Variants in ANK1 observed in about 807,000 individuals in gnomAD.
The protein encoded by ANK1 is ankyrin-1.
Under a neutral mutation model 210.4 loss-of-function variants are expected in ANK1, and 51 were observed. The observed-to-expected ratio is 0.24, with a 90% CI of 0.19 to 0.31. The LOEUF (loss-of-function observed/expected upper bound fraction) is 0.31. ANK1 is among the 10% of genes least tolerant of loss of function. The pLI is 1.00. For missense variants in ANK1, 2,051 were observed against 2,504.4 expected (o/e 0.82, Z 3.86); for synonymous variants, 967 against 1,025.9 (o/e 0.94, Z 1.10).
At position 41,838,706 on chromosome 8, in the gene ANK1, G is replaced by A. The variant is rs184075983; in HGVS notation, c.126+57649C>T. On this transcript the variant is annotated intron_variant, in intron 1 of 42. Coordinates refer to the ANK1 transcript ENST00000265709. ...CTTGAACCCGGGAGGCAGAGGCTGC[G>A]GTGAGCCTGGATCGTACCATTGCAC... is the stretch of plus-strand genomic sequence containing the variant. Among the ~76,000 whole-genome samples the A allele has an allele frequency of 5.3e-5, 8 of 151,578 alleles. No individual in the cohort carries two copies. The South Asian group carries it at 6.3e-4, about 12-fold the overall frequency.
intron 1 of ANK1, among the ~76,000 whole-genome samples, chr8:41,806,003 C>T (rs925661789): frequency 1.3e-5 from 2 of 152,150 alleles, no homozygotes; most frequent in Non-Finnish European, 2.9e-5. Context: ...AGAGTGGAAT[C>T]ACAAAGAATA....
intron 37 of ANK1, among the ~76,000 whole-genome samples, chr8:41,682,063 C>T (rs1816224301): frequency 6.6e-6 from 1 of 152,202 alleles, no homozygotes. Context: ...ACTCTTTGGC[C>T]AGAACCCTCT....
At chr8:41,719,245 C>T (rs367661267) in intron 10 of ANK1, among the ~76,000 whole-genome samples, 3 of 152,150 alleles carry the variant, frequency 2.0e-5, no homozygotes, top group Admixed American at 6.5e-5. Context: ...CCTCTGTGGA[C>T]GAAGGATGCT....
chr8:41,752,237 C>T (rs947160234), intron 2 of ANK1, among the ~76,000 whole-genome samples: 3 of 152,192 alleles, frequency 2.0e-5, no homozygotes, highest in Non-Finnish European at 4.4e-5. Context: ...CCTTCACCAG[C>T]ATGCACAGGC....
At chr8:41,780,247 C>T (rs1270766757) in intron 1 of ANK1, among the ~76,000 whole-genome samples, 1 of 152,068 alleles carries the variant, frequency 6.6e-6, no homozygotes, top group Non-Finnish European at 1.5e-5. Flanking sequence ...CTATGTTGCC[C>T]AGTCTGGGTT....
chr8:41,782,221 T>G (rs1845490688), intron 1 of ANK1, among the ~76,000 whole-genome samples: 1 of 152,036 alleles, frequency 6.6e-6, no homozygotes, highest in African/African-American at 2.4e-5. Flanking sequence ...ACTGAATATT[T>G]CCATAGAGAG....
Position 41,779,581 on chromosome 8 carries a change from G to C in ANK1, c.27+17931C>G, listed in dbSNP as rs546219544. Among the ~76,000 whole-genome samples, 30 of 152,172 alleles carry C rather than the reference G, an allele frequency of 2.0e-4. No individual in the cohort carries two copies. The South Asian group carries it at 5.8e-3, about 29-fold the overall frequency. On this transcript the variant is annotated intron_variant, in intron 1 of 42. Coordinates refer to ENST00000289734, the MANE Select transcript of ANK1 (RefSeq NM_000037.4). ...TAGTTTGATGCCCATGGGACAAGCA[G>C]TTAGAGGCACTGGTGGAGGAACAAA...
chr8:41,737,608 C>T (rs960744680), intron 2 of ANK1, among the ~76,000 whole-genome samples: 1 of 152,204 alleles, frequency 6.6e-6, no homozygotes, highest in Non-Finnish European at 1.5e-5. Flanking sequence ...CCTGGCCCAG[C>T]GATCTCCTTC....
intron 1 of ANK1, among the ~76,000 whole-genome samples, chr8:41,873,021 G>A (rs537786612): frequency 9.2e-5 from 14 of 152,342 alleles, no homozygotes; most frequent in Non-Finnish European, 2.1e-4. Flanking sequence ...CTGTGGGCAC[G>A]CTGCAGAGGG....
chr8:41,690,712 ATGC>A, intron 31 of ANK1, 113 bp from the exon 32 acceptor site: 3 of 1,492,544 alleles, frequency 2.0e-6, no homozygotes, highest in Non-Finnish European at 2.8e-6. Flanking sequence ...AGCAAGAGGC[ATGC>A]GGGTGTGTGC....
chr8:41,825,988 T>G (rs1327558760), intron 1 of ANK1, among the ~76,000 whole-genome samples: 1 of 152,148 alleles, frequency 6.6e-6, no homozygotes, highest in African/African-American at 2.4e-5. Context: ...ATGTCTTTAT[T>G]AGCAGCATGA....
At chr8:41,785,003 C>T (rs1164894150) in intron 1 of ANK1, among the ~76,000 whole-genome samples, 22 of 152,164 alleles carry the variant, frequency 1.4e-4, no homozygotes, top group Admixed American at 1.4e-3. Flanking sequence ...CGACGCTGGG[C>T]TTTGCCAGCC....
chr8:41,780,597 G>C (rs1366730513), intron 1 of ANK1, among the ~76,000 whole-genome samples: 1 of 152,180 alleles, frequency 6.6e-6, no homozygotes, highest in Non-Finnish European at 1.5e-5. Context: ...TGAGGGTCAG[G>C]GTGTTCCTGG....
intron 14 of ANK1, 84 bp from the exon 15 acceptor site, chr8:41,715,158 C>G (rs950810647): frequency 7.7e-7 from 1 of 1,290,532 alleles, no homozygotes; most frequent in East Asian, 2.3e-5. Context: ...GAGGCTGCAC[C>G]TCCGCTGGCA....
At chr8:41,674,892 A>G (rs1813664286) in intron 37 of ANK1, among the ~76,000 whole-genome samples, 1 of 152,178 alleles carries the variant, frequency 6.6e-6, no homozygotes, top group African/African-American at 2.4e-5. Flanking sequence ...GGTGGGTCAC[A>G]TCTTACCATG....
chr8:41,896,529 G>T, exon 1 of ANK1: 2 of 1,547,446 alleles, frequency 1.3e-6, no homozygotes, highest in African/African-American at 1.4e-5. Context: ...CTAGCGCTCA[G>T]CGATCCCCGA....
intron 42 of ANK1, among the ~76,000 whole-genome samples, chr8:41,660,174 C>A (rs1172980173): frequency 2.6e-5 from 4 of 152,152 alleles, no homozygotes; most frequent in Non-Finnish European, 5.9e-5. Context: ...CCTTAAGCTG[C>A]TGAGGTGTCA....
At chr8:41,692,931 C>CGGGAG (rs2150589989) in intron 30 of ANK1, 55 bp from the exon 31 acceptor site, 1 of 1,578,004 alleles carries the variant, frequency 6.3e-7, no homozygotes, top group Admixed American at 1.7e-5. Context: ...AGCATCCTTT[C>CGGGAG]CATCCAGACG....
chr8:41,779,690 T>C (rs1042220029), intron 1 of ANK1, among the ~76,000 whole-genome samples: 2 of 152,224 alleles, frequency 1.3e-5, no homozygotes, highest in Admixed American at 6.5e-5. Context: ...TTCACCCACT[T>C]AACCCTCACA....
Sources: allele counts gnomAD v4.1 joint callset (sites outside exome capture counted in the v4.1 genomes callset), GRCh38; gene constraint gnomAD v4.1.1; transcripts MANE v1.5; gene names NCBI Gene and HGNC (gene_info 2026-07-23, HGNC 2026-07-21).